SMCHD1: variants seen among roughly 807,000 people sequenced by gnomAD.
The protein encoded by SMCHD1 is structural maintenance of chromosomes flexible hinge domain-containing protein 1.
In SMCHD1, 78 loss-of-function variants were observed where a neutral mutation model predicts 254.7. That is an observed-to-expected ratio of 0.31 (90% CI 0.26 to 0.37). The LOEUF (loss-of-function observed/expected upper bound fraction) is 0.37. Ranked by LOEUF, SMCHD1 falls within the 10% of genes least tolerant of loss-of-function variation. The pLI, the probability that SMCHD1 is intolerant of heterozygous loss-of-function variation, is 1.00. For synonymous variants in SMCHD1, 766 were observed against 794.9 expected (o/e 0.96, Z 0.61); for missense variants, 1,840 against 2,408.1 (o/e 0.76, Z 4.94).
chr18:2,694,058 A>G (rs1471534557), intron 7 of SMCHD1, among the ~76,000 whole-genome samples: 1 of 151,970 alleles, frequency 6.6e-6, no homozygotes, highest in Non-Finnish European at 1.5e-5. Context: ...GTCCAGGATG[A>G]TTTTACTTTT....
In SMCHD1 at chr18:2,674,044, T is replaced by C; in HGVS notation, c.537T>C (p.Ala179=). The C allele has an allele frequency of 6.3e-7, 1 of 1,597,342 alleles. No individual in the cohort carries two copies. Among genetic ancestry groups the C allele is most frequent in the Non-Finnish European group, 8.5e-7 (1 of 1,171,142 alleles). Residue 179 remains alanine, a synonymous_variant, in exon 5 of 48, where the codon GCT becomes GCC. Coordinates refer to ENST00000320876, the MANE Select transcript of SMCHD1 (RefSeq NM_015295.3). ...LLFDETQGKP[A]VAVIDNGRGM... ...TTGATGAAACACAAGGAAAACCTGC[T>C]GTTGCAGTGATAGATAATGGAAGAG... is the stretch of plus-strand genomic sequence containing the variant.
intron 3 of SMCHD1, among the ~76,000 whole-genome samples, chr18:2,670,742 A>G (rs1249819160): frequency 6.6e-6 from 1 of 151,856 alleles, no homozygotes; most frequent in Non-Finnish European, 1.5e-5. Flanking sequence ...CTCTACTAAA[A>G]GTACAAAAAT....
chr18:2,799,660 A>T (rs1031542342), intron 47 of SMCHD1, among the ~76,000 whole-genome samples: 2 of 152,232 alleles, frequency 1.3e-5, no homozygotes, highest in African/African-American at 4.8e-5. Flanking sequence ...CATCAGGCTC[A>T]AATAAATCTT....
At chr18:2,798,439 G>A (rs745465274) in intron 47 of SMCHD1, among the ~76,000 whole-genome samples, 3 of 152,174 alleles carry the variant, frequency 2.0e-5, no homozygotes, top group Admixed American at 6.5e-5. Context: ...AGTTCAAAAT[G>A]ACGCAAAAAT....
chr18:2,673,829 A>T (rs2073676884), intron 4 of SMCHD1, among the ~76,000 whole-genome samples, 186 bp from the exon 5 acceptor site: 1 of 152,232 alleles, frequency 6.6e-6, no homozygotes, highest in South Asian at 2.1e-4. Context: ...GCTAAAGGAC[A>T]TGAAGAATTC....
At position 2,771,220 on chromosome 18, in the gene SMCHD1, G is replaced by A. The variant is rs367900035; in HGVS notation, c.4967-313G>A. Among the ~76,000 whole-genome samples, 11 of 152,264 alleles carry A rather than the reference G, an allele frequency of 7.2e-5. No homozygotes were observed. In the East Asian group the frequency reaches 1.3e-3, roughly 19 times the overall value. ...TGTTTTTATAAAGTCTTTGAGAACA[G>A]CCTTGTGCAATTATGTATAAATTAT... On this transcript the variant is annotated intron_variant, in intron 39 of 47. Transcript: ENST00000320876.
At chr18:2,772,551 ATG>A (rs2076002356) in intron 41 of SMCHD1, among the ~76,000 whole-genome samples, 179 bp downstream of exon 41, 1 of 152,210 alleles carries the variant, frequency 6.6e-6, no homozygotes, top group Non-Finnish European at 1.5e-5. Context: ...GAAATCTGTA[ATG>A]TTACTATTGA....
chr18:2,775,802 C>T lies in SMCHD1; in HGVS notation c.5244C>T (p.Asp1748=), dbSNP rs750438488. The change falls in exon 42 of 48, where the codon GAC becomes GAT. Residue 1748 remains aspartate, a synonymous_variant. Transcript: ENST00000320876. ...AMVISWHLAS[D]MDCVVTLTTD... ...TTATTTCTTGGCATCTGGCAAGTGA[C>T]ATGGACTGTGTAGTCACCCTAACCA... 3 of 1,613,392 alleles carry T rather than the reference C, an allele frequency of 1.9e-6. No individual in the cohort carries two copies. In the African/African-American group the frequency reaches 4.0e-5, roughly 22 times the overall value.
chr18:2,663,314 A>G (rs567340415), intron 1 of SMCHD1, among the ~76,000 whole-genome samples: 38 of 151,500 alleles, frequency 2.5e-4, no homozygotes, highest in African/African-American at 8.0e-4. Context: ...GTTTTACCAC[A>G]TTGCCCAGGC....
At position 2,782,744 on chromosome 18, in the gene SMCHD1, CAAAAAAAAAAAA is replaced by C. The variant is rs779083565; in HGVS notation, c.5548-1689_5548-1678del. On this transcript the variant is annotated intron_variant, in intron 44 of 47. Coordinates refer to ENST00000320876, the MANE Select transcript of SMCHD1 (RefSeq NM_015295.3). ...TGGGCAACAGAGCGAGACCACAACTCAAAAAAAAAAAAAAAAAAAAAAAAAAAAGATATTAAA... is the reference window on the plus strand; with the variant it reads ...TGGGCAACAGAGCGAGACCACAACTCAAAAAAAAAAAAAAAAGATATTAAA... 3.1e-4 allele frequency among the ~76,000 whole-genome samples: 14 copies of C among 44,982 alleles called. 1 individual carries two copies. The East Asian group carries it at 4.6e-3, about 15-fold the overall frequency. The allele number at this position is 44,982 out of a possible 152,430, so 29.5% of individuals were successfully genotyped here. A position where few individuals can be genotyped will look rare whatever the true frequency, so the allele number is the denominator to read the frequency against.
Position 2,703,430 on chromosome 18 carries a change from C to T in SMCHD1, c.1648-262C>T, listed in dbSNP as rs562818379. ...TTTAGTGTATCCTAGGAATTAAAGG[C>T]GGAAAGGAAGGTTTTATTGTTGATA... On this transcript the variant is annotated intron_variant, in intron 12 of 47. Transcript: ENST00000320876. 8.0e-4 allele frequency among the ~76,000 whole-genome samples: 121 copies of T among 152,102 alleles called. 1 individual carries two copies. The highest frequency in any genetic ancestry group is 1.8e-3 in the African/African-American group (76 of 41,520).
intron 42 of SMCHD1, among the ~76,000 whole-genome samples, chr18:2,777,066 C>G (rs560442902): frequency 6.8e-6 from 1 of 147,190 alleles, no homozygotes; most frequent in Admixed American, 6.9e-5. Flanking sequence ...ACCACCTCCC[C>G]CCCCCATACC....
intron 1 of SMCHD1, among the ~76,000 whole-genome samples, chr18:2,658,838 A>T: frequency 6.6e-6 from 1 of 151,252 alleles, no homozygotes; most frequent in South Asian, 2.1e-4. Context: ...GTGTGTGTAT[A>T]TATATGTATA....
At chr18:2,740,054 G>T (rs1160222302) in intron 27 of SMCHD1, among the ~76,000 whole-genome samples, 1 of 151,482 alleles carries the variant, frequency 6.6e-6, no homozygotes, top group Non-Finnish European at 1.5e-5. Flanking sequence ...ATCTACATTA[G>T]GTATTTCTCT....
Position 2,724,922 on chromosome 18 carries a change from A to G in SMCHD1, c.2627A>G (p.Glu876Gly). 1 of 1,587,626 alleles carries G rather than the reference A, an allele frequency of 6.3e-7. No homozygotes were observed. The highest frequency in any genetic ancestry group is 8.6e-7 in the Non-Finnish European group (1 of 1,163,700). The part of the protein sequence containing the change: ...EASGLSLHYE[E>G]ITKGPNCVIR... ...AGTGGTTTATCTTTACATTATGAAG[A>G]AATAACCAAAGGACCAAATTGTGTA... is the stretch of plus-strand genomic sequence containing the variant. Residue 876 changes from glutamate to glycine, a missense_variant, in exon 21 of 48, where the codon GAA becomes GGA. By Grantham distance (98) the Glu-to-Gly change is moderately conservative. This residue lies in a region of SMCHD1 where 881 missense variants were observed against 1,009.5 expected (regional missense o/e 0.87). Transcript: ENST00000320876.
intron 39 of SMCHD1, among the ~76,000 whole-genome samples, chr18:2,770,836 G>T (rs150781416): frequency 2.6e-5 from 4 of 152,064 alleles, no homozygotes; most frequent in Non-Finnish European, 5.9e-5. Context: ...GGCCGGGCTG[G>T]TCTCGAACTT....
chr18:2,729,192 G>T, intron 23 of SMCHD1, 83 bp from the exon 24 acceptor site: 1 of 1,152,626 alleles, frequency 8.7e-7, no homozygotes, highest in Non-Finnish European at 1.1e-6. Context: ...TAGCTCTACT[G>T]AATTATTTGA....
intron 10 of SMCHD1, among the ~76,000 whole-genome samples, chr18:2,699,649 C>T (rs1411697244): frequency 6.6e-6 from 1 of 152,182 alleles, no homozygotes; most frequent in Non-Finnish European, 1.5e-5. Flanking sequence ...CATCTCTGAC[C>T]TCTTAAATTT....
chr18:2,753,968 T>C (rs1262124613), intron 34 of SMCHD1, among the ~76,000 whole-genome samples: 1 of 152,232 alleles, frequency 6.6e-6, no homozygotes, highest in Non-Finnish European at 1.5e-5. Flanking sequence ...CATATATTTA[T>C]TGGCCACTTA....
Sources: allele counts gnomAD v4.1 joint callset (sites outside exome capture counted in the v4.1 genomes callset), GRCh38; gene constraint gnomAD v4.1.1; regional missense constraint gnomAD v4.1.1; transcripts MANE v1.5; gene names NCBI Gene and HGNC (gene_info 2026-07-23, HGNC 2026-07-21).